The following GLUD2 variants were observed in gnomAD, a reference collection of about 807,000 sequenced individuals.
GLUD2 encodes the protein glutamate dehydrogenase 2, mitochondrial.
Under a neutral mutation model 16.2 loss-of-function variants are expected in GLUD2, and 11 were observed. That is an observed-to-expected ratio of 0.68 (90% CI 0.43 to 1.13). The LOEUF (loss-of-function observed/expected upper bound fraction) is 1.13. Ranked by LOEUF, GLUD2 falls within the 50% of genes most tolerant of loss-of-function variation. The pLI is 0.00. For synonymous variants in GLUD2, 147 were observed against 181.9 expected, an observed-to-expected ratio of 0.81 and a Z score of 1.55; for missense variants, 360 against 456.4, an observed-to-expected ratio of 0.79 and a Z score of 1.93.
chrX:121,049,200 G>C lies in GLUD2; in HGVS notation c.1516G>C (p.Val506Leu). ...ATCGGGTGCATCTGAGAAAGACATT[G>C]TGCACTCTGCCTTGGCATACACAAT... ...SISGASEKDIVHSALAYTMER... is the reference protein window; with the variant it reads ...SISGASEKDILHSALAYTMER... Residue 506 changes from valine (V) to leucine (L), a missense_variant, in exon 1 of 1, where the codon GTG (valine) becomes CTG (leucine). By Grantham distance (32) the Val-to-Leu change is conservative (BLOSUM62 1). Around this residue, in one of 3 missense-constraint regions of GLUD2, gnomAD observed 279 missense variants for 352.9 expected, o/e 0.79. Transcript: ENST00000328078. The C allele has an allele frequency of 8.3e-7, 1 of 1,211,822 alleles. No homozygotes were observed. The highest frequency in any genetic ancestry group is 1.1e-6 in the Non-Finnish European group (1 of 895,400).
chrX:121,049,553 A>C lies in GLUD2; in HGVS notation c.*192A>C. On this transcript the variant is annotated 3_prime_UTR_variant, in exon 1 of 1. Transcript: ENST00000328078. ...ATATACAAGCTGAGTGTGAAAGTAG[A>C]AATCACCTACACCAGAGAGCTATTT... 4.0e-6 allele frequency: 2 copies of C among 505,063 alleles called. No homozygotes were observed. Among genetic ancestry groups the C allele is most frequent in the Non-Finnish European group, 7.1e-6 (2 of 282,022 alleles). The allele number at this position is 505,063 out of a possible 1,213,427, so 41.6% of individuals were successfully genotyped here. A position where few individuals can be genotyped will look rare whatever the true frequency, so the allele number is the denominator to read the frequency against.
rs1196887410 is a variant in GLUD2, at chrX:121,049,306, A to G, written c.1622A>G (p.Asn541Ser). ...GLDLRTAAYV[N>S]AIEKVFKVYS... Reference sequence around the variant, plus strand: ...GACCTGAGAACAGCTGCCTATGTCAATGCCATTGAAAAAGTCTTCAAAGTG... The same window carrying G: ...GACCTGAGAACAGCTGCCTATGTCAGTGCCATTGAAAAAGTCTTCAAAGTG... Residue 541 changes from asparagine to serine, a missense_variant, in exon 1 of 1, where the codon AAT (asparagine) becomes AGT (serine). Physicochemically the swap from Asn to Ser is conservative, Grantham distance 46. Transcript: ENST00000328078. 1.7e-6 allele frequency: 2 copies of G among 1,211,065 alleles called. No individual in the cohort carries two copies. Among genetic ancestry groups the G allele is most frequent in the South Asian group, 1.8e-5 (1 of 56,964 alleles).
In GLUD2 at chrX:121,048,241, T is replaced by G; in HGVS notation, c.557T>G (p.Val186Gly). ...CCGTTTGGGGGTGCTAAAGCTGGTG[T>G]TAAGATCAATCCCAAGAACTATACC... ...DVPFGGAKAG[V>G]KINPKNYTEN... Residue 186 changes from valine (V) to glycine (G), a missense_variant, in exon 1 of 1, where the codon GTT (valine) becomes GGT (glycine). Physicochemically the swap from Val to Gly is moderately radical, Grantham distance 109. This residue lies in a region of GLUD2 where 279 missense variants were observed against 352.9 expected (regional missense o/e 0.79). Transcript: ENST00000328078. The G allele has an allele frequency of 8.3e-7, 1 of 1,211,609 alleles. No individual in the cohort carries two copies. The highest frequency in any genetic ancestry group is 1.1e-6 in the Non-Finnish European group (1 of 895,411).
Position 121,047,650 on chromosome X carries a change from C to T in GLUD2, c.-35C>T. The T allele has an allele frequency of 2.1e-6, 2 of 956,983 alleles. No individual in the cohort carries two copies. Among genetic ancestry groups the T allele is most frequent in the Non-Finnish European group, 2.7e-6 (2 of 736,711 alleles). 78.9% of individuals were successfully genotyped at this position (956,983 alleles called of 1,213,427 possible). The stretch of plus-strand genomic sequence containing the variant: ...GGAGTCTGAGAAAGCGCACCTGTTC[C>T]GCGACCGTCACGCACCCCTCCTCCG... On this transcript the variant is annotated 5_prime_UTR_variant, in exon 1 of 1. Transcript: ENST00000328078.
Position 121,048,313 on chromosome X carries a change from C to T in GLUD2, c.629C>T (p.Ala210Val). 4.1e-6 allele frequency: 5 copies of T among 1,211,746 alleles called. No individual in the cohort carries two copies. The highest frequency in any genetic ancestry group is 5.6e-6 in the Non-Finnish European group (5 of 895,463). Residue 210 changes from alanine to valine, a missense_variant, in exon 1 of 1, where the codon GCA becomes GTA. This residue lies in a region of GLUD2 where 279 missense variants were observed against 352.9 expected (regional missense o/e 0.79). Coordinates refer to ENST00000328078, the MANE Select transcript of GLUD2 (RefSeq NM_012084.4). Reference protein sequence around the residue: ...KITRRFTMELAKKGFIGPGVD... With the variant: ...KITRRFTMELVKKGFIGPGVD... The stretch of plus-strand genomic sequence containing the variant: ...ACAAGGAGGTTCACCATGGAGCTAG[C>T]AAAGAAGGGCTTTATTGGTCCTGGC...
rs767568467 is a variant in GLUD2, at chrX:121,048,238, G to C, written c.554G>C (p.Gly185Ala). ...GTGCCGTTTGGGGGTGCTAAAGCTGGTGTTAAGATCAATCCCAAGAACTAT... is the reference window on the plus strand; with the variant it reads ...GTGCCGTTTGGGGGTGCTAAAGCTGCTGTTAAGATCAATCCCAAGAACTAT... ...VDVPFGGAKA[G>A]VKINPKNYTE... The change falls in exon 1 of 1, where the codon GGT becomes GCT. Residue 185 changes from glycine to alanine, a missense_variant. Physicochemically the swap from Gly to Ala is moderately conservative, Grantham distance 60. Transcript: ENST00000328078. The C allele has an allele frequency of 1.7e-5, 21 of 1,210,120 alleles. No individual in the cohort carries two copies. In the East Asian group the frequency reaches 5.9e-4, roughly 34 times the overall value.
In GLUD2 at chrX:121,048,451, C is replaced by T. The variant is rs752142904; in HGVS notation, c.767C>T (p.Thr256Ile). The stretch of plus-strand genomic sequence containing the variant: ...GATATTAATGCACACGCCTGTGTTA[C>T]TGGTAAACCCATCAGCCAAGGGGGA... The part of the protein sequence containing the change: ...HYDINAHACV[T>I]GKPISQGGIH... The change falls in exon 1 of 1, where the codon ACT (threonine) becomes ATT (isoleucine). Residue 256 changes from threonine to isoleucine, a missense_variant. By Grantham distance (89) the Thr-to-Ile change is moderately conservative (BLOSUM62 -1). Around this residue, in one of 3 missense-constraint regions of GLUD2, gnomAD observed 279 missense variants for 352.9 expected, o/e 0.79. Coordinates refer to ENST00000328078, the MANE Select transcript of GLUD2 (RefSeq NM_012084.4). 3.3e-6 allele frequency: 4 copies of T among 1,209,703 alleles called. No individual in the cohort carries two copies. In the African/African-American group the frequency reaches 7.0e-5, roughly 21 times the overall value.
rs770086797 is a variant in GLUD2, at chrX:121,048,339, G to A, written c.655G>A (p.Val219Ile). The change falls in exon 1 of 1, where the codon GTT becomes ATT. Residue 219 changes from valine (V) to isoleucine (I), a missense_variant. Val to Ile is a conservative substitution (Grantham distance 29). Around this residue, in one of 3 missense-constraint regions of GLUD2, gnomAD observed 279 missense variants for 352.9 expected, o/e 0.79. Coordinates refer to ENST00000328078, the MANE Select transcript of GLUD2 (RefSeq NM_012084.4). ...LAKKGFIGPG[V>I]DVPAPDMNTG... Reference sequence around the variant, plus strand: ...AAAGAAGGGCTTTATTGGTCCTGGCGTTGATGTGCCTGCTCCAGACATGAA... The same window carrying A: ...AAAGAAGGGCTTTATTGGTCCTGGCATTGATGTGCCTGCTCCAGACATGAA... 6 of 1,211,874 alleles carry A rather than the reference G, an allele frequency of 5.0e-6. No homozygotes were observed. The highest frequency in any genetic ancestry group is 4.3e-5 in the Admixed American group (2 of 46,085).
rs1245934599 is a variant in GLUD2, at chrX:121,047,684, G to A, written c.-1G>A. 2 of 1,078,219 alleles carry A rather than the reference G, an allele frequency of 1.9e-6. No individual in the cohort carries two copies. The highest frequency in any genetic ancestry group is 1.2e-6 in the Non-Finnish European group (1 of 825,716). The allele number at this position is 1,078,219 out of a possible 1,213,427, so 88.9% of individuals were successfully genotyped here. ...CACGCACCCCTCCTCCGCCTGCCGC[G>A]ATGTACCGCTACCTGGCCAAAGCGC... On this transcript the variant is annotated 5_prime_UTR_variant, in exon 1 of 1. Coordinates refer to ENST00000328078, the MANE Select transcript of GLUD2 (RefSeq NM_012084.4).
chrX:121,049,246 T>G lies in GLUD2; in HGVS notation c.1562T>G (p.Ile521Ser). ...AYTMERSARQ[I>S]MHTAMKYNLG... Reference sequence around the variant, plus strand: ...ACAATGGAGCGTTCTGCCAGGCAAATTATGCACACAGCCATGAAGTATAAC... The same window carrying G: ...ACAATGGAGCGTTCTGCCAGGCAAAGTATGCACACAGCCATGAAGTATAAC... Residue 521 changes from isoleucine (I) to serine (S), a missense_variant, in exon 1 of 1, where the codon ATT (isoleucine) becomes AGT (serine). Coordinates refer to ENST00000328078, the MANE Select transcript of GLUD2 (RefSeq NM_012084.4). 4 of 1,211,165 alleles carry G rather than the reference T, an allele frequency of 3.3e-6. No homozygotes were observed. The highest frequency in any genetic ancestry group is 4.5e-6 in the Non-Finnish European group (4 of 894,935).
chrX:121,049,180 G>A lies in GLUD2; in HGVS notation c.1496G>A (p.Gly499Asp), dbSNP rs758598880. ...PTAEFQDSIS[G>D]ASEKDIVHSA... is the part of the protein sequence containing the mutation. The stretch of plus-strand genomic sequence containing the variant: ...GCAGAGTTCCAAGACAGTATATCGG[G>A]TGCATCTGAGAAAGACATTGTGCAC... Residue 499 changes from glycine to aspartate, a missense_variant, in exon 1 of 1, where the codon GGT becomes GAT. By Grantham distance (94) the Gly-to-Asp change is moderately conservative (BLOSUM62 -1). Coordinates refer to ENST00000328078, the MANE Select transcript of GLUD2 (RefSeq NM_012084.4). 2.5e-6 allele frequency: 3 copies of A among 1,211,898 alleles called. No individual in the cohort carries two copies. Among genetic ancestry groups the A allele is most frequent in the Non-Finnish European group, 3.4e-6 (3 of 895,517 alleles).
In GLUD2 at chrX:121,050,041, C is replaced by G. The variant is rs998540964; in HGVS notation, c.*680C>G. 1.6e-5 allele frequency: 2 copies of G among 123,250 alleles called. No homozygotes were observed. The highest frequency in any genetic ancestry group is 3.7e-5 in the Non-Finnish European group (2 of 53,475). The allele number at this position is 123,250 out of a possible 1,213,427, so 10.2% of individuals were successfully genotyped here. A position where few individuals can be genotyped will look rare whatever the true frequency, so the allele number is the denominator to read the frequency against. The stretch of plus-strand genomic sequence containing the variant: ...AGTTTCATTTGTAGCTTATCATTCA[C>G]GTATTGTTGTCCAGCAAACATTAAA... On this transcript the variant is annotated 3_prime_UTR_variant, in exon 1 of 1. Transcript: ENST00000328078.
chrX:121,048,051 C>G lies in GLUD2; in HGVS notation c.367C>G (p.Arg123Gly), dbSNP rs1338990823. ...NHVLSLSFPI[R>G]RDDGSWEVIE... is the part of the protein sequence containing the mutation. ...TGTGCTGAGTCTCTCCTTCCCCATCCGGCGCGACGACGGCTCCTGGGAGGT... is the reference window on the plus strand; with the variant it reads ...TGTGCTGAGTCTCTCCTTCCCCATCGGGCGCGACGACGGCTCCTGGGAGGT... Residue 123 changes from arginine to glycine, a missense_variant, in exon 1 of 1, where the codon CGG becomes GGG. Physicochemically the swap from Arg to Gly is moderately radical, Grantham distance 125. Transcript: ENST00000328078. 2.5e-6 allele frequency: 3 copies of G among 1,211,664 alleles called. No homozygotes were observed.
chrX:121,048,298 TC>T lies in GLUD2; in HGVS notation c.615del (p.Phe205LeufsTer5). 8.3e-7 allele frequency: 1 copy of T among 1,211,770 alleles called. No individual in the cohort carries two copies. On this transcript the variant is annotated frameshift_variant, in exon 1 of 1. Transcript: ENST00000328078. LOFTEE classifies it high-confidence loss of function. Reference sequence around the variant, plus strand: ...GAATTGGAAAAGATCACAAGGAGGTTCACCATGGAGCTAGCAAAGAAGGGCT... The same window carrying T: ...GAATTGGAAAAGATCACAAGGAGGTTACCATGGAGCTAGCAAAGAAGGGCT... The part of the protein sequence containing the change: ...ENELEKITRR[F>X]TMELAKKGFI...
Position 121,049,249 on chromosome X carries a change from T to C in GLUD2, c.1565T>C (p.Met522Thr). ...ATGGAGCGTTCTGCCAGGCAAATTA[T>C]GCACACAGCCATGAAGTATAACCTG... Reference protein sequence around the residue: ...YTMERSARQIMHTAMKYNLGL... With the variant: ...YTMERSARQITHTAMKYNLGL... Residue 522 changes from methionine (M) to threonine (T), a missense_variant, in exon 1 of 1, where the codon ATG becomes ACG. By Grantham distance (81) the Met-to-Thr change is moderately conservative. Coordinates refer to ENST00000328078, the MANE Select transcript of GLUD2 (RefSeq NM_012084.4). The C allele has an allele frequency of 8.3e-7, 1 of 1,211,560 alleles. No individual in the cohort carries two copies. Among genetic ancestry groups the C allele is most frequent in the South Asian group, 1.8e-5 (1 of 57,005 alleles).
rs1235639638 is a variant in GLUD2, at chrX:121,049,299, T to C, written c.1615T>C (p.Tyr539His). 1 of 1,211,205 alleles carries C rather than the reference T, an allele frequency of 8.3e-7. No individual in the cohort carries two copies. Among genetic ancestry groups the C allele is most frequent in the Non-Finnish European group, 1.1e-6 (1 of 895,264 alleles). Residue 539 changes from tyrosine (Y) to histidine (H), a missense_variant, in exon 1 of 1, where the codon TAT becomes CAT. Tyr to His is a moderately conservative substitution (Grantham distance 83). Coordinates refer to ENST00000328078, the MANE Select transcript of GLUD2 (RefSeq NM_012084.4). ...NLGLDLRTAA[Y>H]VNAIEKVFKV... is the part of the protein sequence containing the mutation. The stretch of plus-strand genomic sequence containing the variant: ...GGGATTGGACCTGAGAACAGCTGCC[T>C]ATGTCAATGCCATTGAAAAAGTCTT...
In GLUD2 at chrX:121,048,206, G is replaced by A. The variant is rs1480326523; in HGVS notation, c.522G>A (p.Val174=). 5 of 1,210,211 alleles carry A rather than the reference G, an allele frequency of 4.1e-6. No homozygotes were observed. The highest frequency in any genetic ancestry group is 5.6e-6 in the Non-Finnish European group (5 of 895,294). ...LASLMTYKCA[V]VDVPFGGAKA... ...CTCTGATGACATACAAGTGTGCAGT[G>A]GTTGATGTGCCGTTTGGGGGTGCTA... Residue 174 remains valine (V), a synonymous_variant, in exon 1 of 1, where the codon GTG becomes GTA. Coordinates refer to ENST00000328078, the MANE Select transcript of GLUD2 (RefSeq NM_012084.4).
Position 121,048,302 on chromosome X carries a change from C to G in GLUD2, c.618C>G (p.Thr206=). The G allele has an allele frequency of 8.3e-7, 1 of 1,211,698 alleles. No individual in the cohort carries two copies. Among genetic ancestry groups the G allele is most frequent in the Non-Finnish European group, 1.1e-6 (1 of 895,417 alleles). Residue 206 remains threonine, a synonymous_variant, in exon 1 of 1, where the codon ACC becomes ACG. Coordinates refer to ENST00000328078, the MANE Select transcript of GLUD2 (RefSeq NM_012084.4). ...NELEKITRRF[T]MELAKKGFIG... is the part of the protein sequence containing the mutation. ...TGGAAAAGATCACAAGGAGGTTCAC[C>G]ATGGAGCTAGCAAAGAAGGGCTTTA...
chrX:121,047,661 C>A lies in GLUD2; in HGVS notation c.-24C>A. 1.0e-6 allele frequency: 1 copy of A among 1,004,095 alleles called. No individual in the cohort carries two copies. Among genetic ancestry groups the A allele is most frequent in the Non-Finnish European group, 1.3e-6 (1 of 773,289 alleles). 82.7% of individuals were successfully genotyped at this position (1,004,095 alleles called of 1,213,427 possible). Reference sequence around the variant, plus strand: ...AAGCGCACCTGTTCCGCGACCGTCACGCACCCCTCCTCCGCCTGCCGCGAT... The same window carrying A: ...AAGCGCACCTGTTCCGCGACCGTCAAGCACCCCTCCTCCGCCTGCCGCGAT... On this transcript the variant is annotated 5_prime_UTR_variant, in exon 1 of 1. Transcript: ENST00000328078.
Sources: allele counts gnomAD v4.1 joint callset, GRCh38; gene constraint gnomAD v4.1.1; regional missense constraint gnomAD v4.1.1; transcripts MANE v1.5; gene names NCBI Gene and HGNC (gene_info 2026-07-23, HGNC 2026-07-21).